IFFO2: variants seen among roughly 807,000 people sequenced by gnomAD.
The protein encoded by IFFO2 is intermediate filament family orphan 2.
IFFO2 carries 19 observed loss-of-function variants against 53.5 expected under a neutral mutation model. That is an observed-to-expected ratio of 0.36 (90% CI 0.25 to 0.52). IFFO2 has a LOEUF of 0.52. Among genes scored for constraint, IFFO2 ranks in the 20% least tolerant of loss-of-function variants. The probability of loss-of-function intolerance (pLI) is 0.94; values close to 1 mark genes in which losing one functional copy is unlikely to be tolerated. For synonymous variants in IFFO2, 303 were observed against 313.6 expected, an observed-to-expected ratio of 0.97 and a Z score of 0.36; for missense variants, 570 against 727.4, an observed-to-expected ratio of 0.78 and a Z score of 2.49.
Position 18,919,476 on chromosome 1 carries a change from G to A in IFFO2, c.822+202C>T, listed in dbSNP as rs1457339459. On this transcript the variant is annotated intron_variant, in intron 3 of 8. Transcript: ENST00000455833. This position sits in a 1 kb window ranked among gnomAD's most constrained non-coding sequence, Gnocchi z 4.9. ...AGATTAATGCATCTCTACTCAGACC[G>A]AGGGAAGCAGAAGTGGGGAGGGGGC... 2.0e-5 allele frequency among the ~76,000 whole-genome samples: 3 copies of A among 151,644 alleles called. No homozygotes were observed. The highest frequency in any genetic ancestry group is 6.6e-5 in the Admixed American group (1 of 15,256).
rs1436497290 is a variant in IFFO2 at position 18,913,280 on chromosome 1, G to A, written c.1104-1197C>T. On this transcript the variant is annotated intron_variant, in intron 5 of 8. Transcript: ENST00000455833. ...CACAGGAGCCCATAGGTGGCTCCCCGAGTCCAGGGTCCTGAGCTGGTAGGG... is the reference window on the plus strand; with the variant it reads ...CACAGGAGCCCATAGGTGGCTCCCCAAGTCCAGGGTCCTGAGCTGGTAGGG... Among the ~76,000 whole-genome samples, 4 of 152,362 alleles carry A rather than the reference G, an allele frequency of 2.6e-5. No individual in the cohort carries two copies. In the East Asian group the frequency reaches 5.8e-4, roughly 22 times the overall value.
rs532465564 is a variant in IFFO2, at chr1:18,908,392, T to C, written c.*169A>G. ...GGAGACGGGGCACCCGTTGGTGGTG[T>C]GGAAGGAAGGAAGGAAGCAGCAGTC... On this transcript the variant is annotated 3_prime_UTR_variant, in exon 9 of 9. Transcript: ENST00000455833. 7 of 588,846 alleles carry C rather than the reference T, an allele frequency of 1.2e-5. No individual in the cohort carries two copies. Among genetic ancestry groups the C allele is most frequent in the African/African-American group, 1.1e-4 (6 of 53,586 alleles). 36.5% of individuals were successfully genotyped at this position (588,846 alleles called of 1,614,324 possible). A position where few individuals can be genotyped will look rare whatever the true frequency, so the allele number is the denominator to read the frequency against.
At chr1:18,935,864 A>ATTTTTTTTTTTTTT (rs757253270) in intron 1 of IFFO2, among the ~76,000 whole-genome samples, 1 of 95,416 alleles carries the variant, frequency 1.0e-5, no homozygotes, top group African/African-American at 4.4e-5. Flanking sequence ...TAATTTTTCT[A>ATTTTTTTTTTTTTT]TTTTTTTTTT....
chr1:18,919,678 G>T lies in IFFO2; in HGVS notation c.822C>A (p.Asp274Glu). 6.5e-7 allele frequency: 1 copy of T among 1,550,090 alleles called. No homozygotes were observed. The highest frequency in any genetic ancestry group is 8.7e-7 in the Non-Finnish European group (1 of 1,145,582). The change falls in exon 3 of 9, where the codon GAC (aspartate) becomes GAA (glutamate). Residue 274 changes from aspartate to glutamate, a missense_variant and splice_region_variant. Asp to Glu is a conservative substitution (Grantham distance 45). Transcript: ENST00000455833. The surrounding 1 kb of genome is among the most constrained non-coding windows in gnomAD (Gnocchi z 4.9). ...CCCAGGGGCGGCGGGCGGCACTTACGTCACTCATAAGCCCCTTAAACACCA... is the reference window on the plus strand; with the variant it reads ...CCCAGGGGCGGCGGGCGGCACTTACTTCACTCATAAGCCCCTTAAACACCA... ...ELVVFKGLMS[D>E]PMTDLDTKIQ...
intron 1 of IFFO2, among the ~76,000 whole-genome samples, chr1:18,948,807 C>G (rs1395352121): frequency 6.6e-6 from 1 of 152,254 alleles, no homozygotes; most frequent in African/African-American, 2.4e-5. Flanking sequence ...AGGGCCAGCA[C>G]AGATCTGCCT....
At chr1:18,924,083 G>T (rs908789891) in intron 1 of IFFO2, among the ~76,000 whole-genome samples, 5 of 152,352 alleles carry the variant, frequency 3.3e-5, no homozygotes, top group Admixed American at 6.5e-5. Flanking sequence ...ACAGCAGCTG[G>T]CTTGACTGAA....
rs1056710169 is a variant in IFFO2, at chr1:18,913,828, T to C, written c.1104-1745A>G. On this transcript the variant is annotated intron_variant, in intron 5 of 8. Coordinates refer to ENST00000455833, the MANE Select transcript of IFFO2 (RefSeq NM_001136265.2). ...CGTTGTTTGTTGTTGTTGTTGTTTT[T>C]TTGTTTGTTTGTTTGTTTGTTTGAG... Among the ~76,000 whole-genome samples, 3 of 144,254 alleles carry C rather than the reference T, an allele frequency of 2.1e-5. No homozygotes were observed. In the South Asian group the frequency reaches 6.4e-4, roughly 31 times the overall value. 94.6% of individuals were successfully genotyped at this position (144,254 alleles called of 152,430 possible). A position where few individuals can be genotyped will look rare whatever the true frequency, so the allele number is the denominator to read the frequency against.
At chr1:18,935,965 C>A (rs1185864038) in intron 1 of IFFO2, among the ~76,000 whole-genome samples, 9 of 151,204 alleles carry the variant, frequency 6.0e-5, no homozygotes, top group African/African-American at 2.2e-4. Flanking sequence ...CCTCAGACTC[C>A]CAAAGTGCTG....
chr1:18,933,691 A>C (rs1936408877), intron 1 of IFFO2, among the ~76,000 whole-genome samples: 1 of 152,082 alleles, frequency 6.6e-6, no homozygotes, highest in Non-Finnish European at 1.5e-5. Flanking sequence ...CCAGGACCTC[A>C]AGGCTGCAGT....
Position 18,936,884 on chromosome 1 carries a change from G to A in IFFO2, c.666-15763C>T, listed in dbSNP as rs1357029246. Among the ~76,000 whole-genome samples, 7 of 150,380 alleles carry A rather than the reference G, an allele frequency of 4.7e-5. No homozygotes were observed. The highest frequency in any genetic ancestry group is 1.7e-4 in the African/African-American group (7 of 40,868). ...TCTCTAGGGCTCAGTCTCCTCACCTGTAAAATGGGTGAGAATGACCCCACC... is the reference window on the plus strand; with the variant it reads ...TCTCTAGGGCTCAGTCTCCTCACCTATAAAATGGGTGAGAATGACCCCACC... On this transcript the variant is annotated intron_variant, in intron 1 of 8. Coordinates refer to ENST00000455833, the MANE Select transcript of IFFO2 (RefSeq NM_001136265.2). This position sits in a 1 kb window ranked among gnomAD's most constrained non-coding sequence, Gnocchi z 4.5.
At chr1:18,953,788 C>G in intron 1 of IFFO2, among the ~76,000 whole-genome samples, 1 of 152,188 alleles carries the variant, frequency 6.6e-6, no homozygotes, top group East Asian at 1.9e-4. Flanking sequence ...ACATCACACC[C>G]CACGCCCTGG....
Position 18,916,083 on chromosome 1 carries a change from C to G in IFFO2, c.1103+820G>C, listed in dbSNP as rs1223221933. Among the ~76,000 whole-genome samples the G allele has an allele frequency of 6.6e-6, 1 of 151,976 alleles. No individual in the cohort carries two copies. Among genetic ancestry groups the G allele is most frequent in the East Asian group, 1.9e-4 (1 of 5,170 alleles). Reference sequence around the variant, plus strand: ...GAGGTTGCAGTGAGCCGAGATCTGGCCGCTATACTCCAGTCTGGGTGACAG... The same window carrying G: ...GAGGTTGCAGTGAGCCGAGATCTGGGCGCTATACTCCAGTCTGGGTGACAG... On this transcript the variant is annotated intron_variant, in intron 5 of 8. Transcript: ENST00000455833. The surrounding 1 kb of genome is among the most constrained non-coding windows in gnomAD (Gnocchi z 4.3).
chr1:18,911,356 G>T, intron 7 of IFFO2, 28 bp downstream of exon 7: 1 of 1,260,282 alleles, frequency 7.9e-7, no homozygotes. Context: ...AGAGCCTCAC[G>T]AGTGGGCTCC....
At chr1:18,931,233 C>A (rs1188844342) in intron 1 of IFFO2, among the ~76,000 whole-genome samples, 1 of 152,166 alleles carries the variant, frequency 6.6e-6, no homozygotes, top group African/African-American at 2.4e-5. Context: ...TAATCCCAAG[C>A]AGCATGCTTG....
rs778080636 is a variant in IFFO2 at position 18,910,343 on chromosome 1, T to C, written c.1447A>G (p.Arg483Gly). ...CRRLIKGSAD[R>G]NSPSPSSVAS... The stretch of plus-strand genomic sequence containing the variant: ...TCCCCTGGGAGGATGGGCGGGTACC[T>C]GTCTGCGGAGCCTTTGATGAGCCGG... Residue 483 changes from arginine (R) to glycine (G), a missense_variant and splice_region_variant, in exon 8 of 9, where the codon AGG becomes GGG. Transcript: ENST00000455833. The C allele has an allele frequency of 3.1e-6, 5 of 1,606,100 alleles. No homozygotes were observed. The highest frequency in any genetic ancestry group is 4.3e-6 in the Non-Finnish European group (5 of 1,176,288).
chr1:18,926,394 C>A (rs560370978), intron 1 of IFFO2, among the ~76,000 whole-genome samples: 5 of 152,292 alleles, frequency 3.3e-5, no homozygotes, highest in Admixed American at 3.3e-4. Context: ...AGAAACCTTC[C>A]CTTTCCCACT....
chr1:18,941,917 C>T (rs960000809), intron 1 of IFFO2, among the ~76,000 whole-genome samples: 3 of 152,212 alleles, frequency 2.0e-5, no homozygotes, highest in African/African-American at 7.2e-5. Flanking sequence ...CCAGGTGACA[C>T]CCTGCACTGG....
At chr1:18,913,971 A>C (rs1296390483) in intron 5 of IFFO2, among the ~76,000 whole-genome samples, 1 of 149,052 alleles carries the variant, frequency 6.7e-6, no homozygotes, top group Non-Finnish European at 1.5e-5. Flanking sequence ...AGCTGGGACT[A>C]CAGGCGCCCG....
chr1:18,913,773 G>T (rs566697305), intron 5 of IFFO2, among the ~76,000 whole-genome samples: 1 of 152,320 alleles, frequency 6.6e-6, no homozygotes, highest in Non-Finnish European at 1.5e-5. Flanking sequence ...CAGAATGGGG[G>T]TGGGGGGTGA....
Sources: allele counts gnomAD v4.1 joint callset (sites outside exome capture counted in the v4.1 genomes callset), GRCh38; gene constraint gnomAD v4.1.1; non-coding constraint Gnocchi (gnomAD v3.1); transcripts MANE v1.5; gene names NCBI Gene and HGNC (gene_info 2026-07-23, HGNC 2026-07-21).